SGMS2: variants seen among roughly 807,000 people sequenced by gnomAD.
The protein encoded by SGMS2 is sphingomyelin synthase 2, also known as phosphatidylcholine:ceramide cholinephosphotransferase 2.
A neutral mutation model predicts 43.8 loss-of-function variants in SGMS2; 21 were observed. The ratio of observed to expected loss-of-function variants is 0.48; its 90% CI spans 0.34 to 0.69. The LOEUF is 0.69. Among genes scored for constraint, SGMS2 ranks in the 30% least tolerant of loss-of-function variants. The pLI is 0.01. For synonymous variants in SGMS2, 167 were observed against 160.6 expected (o/e 1.04, Z -0.30); for missense variants, 384 against 443.2 (o/e 0.87, Z 1.20).
At chr4:107,851,685 C>G (rs1727155002) in intron 1 of SGMS2, among the ~76,000 whole-genome samples, 1 of 152,200 alleles carries the variant, frequency 6.6e-6, no homozygotes. Flanking sequence ...GGCAGCTTCT[C>G]TATAATAACC....
chr4:107,906,093 T>A (rs1262614742), intron 5 of SGMS2, among the ~76,000 whole-genome samples: 1 of 152,248 alleles, frequency 6.6e-6, no homozygotes, highest in African/African-American at 2.4e-5. Flanking sequence ...GGAAAAACAT[T>A]TATCTTCTAA....
At chr4:107,906,506 C>G (rs548283855) in intron 5 of SGMS2, among the ~76,000 whole-genome samples, 2 of 152,256 alleles carry the variant, frequency 1.3e-5, no homozygotes, top group South Asian at 4.1e-4. Flanking sequence ...TTAATGAGCC[C>G]TAGGGCTAGA....
At chr4:107,900,531 AAG>A (rs1731033817) in intron 4 of SGMS2, among the ~76,000 whole-genome samples, 1 of 152,316 alleles carries the variant, frequency 6.6e-6, no homozygotes, top group Admixed American at 6.5e-5. Context: ...AGCAGCTGGA[AAG>A]AGAGAGTGGC....
intron 1 of SGMS2, among the ~76,000 whole-genome samples, chr4:107,850,529 A>G (rs186266134): frequency 1.3e-5 from 2 of 152,306 alleles, no homozygotes; most frequent in East Asian, 3.9e-4. Context: ...GGTAAACCCC[A>G]TCCTTCTCTT....
chr4:107,902,706 A>G (rs1731227670), intron 4 of SGMS2, among the ~76,000 whole-genome samples: 1 of 152,108 alleles, frequency 6.6e-6, no homozygotes, highest in African/African-American at 2.4e-5. Flanking sequence ...TCATTTTCAA[A>G]CCTATTTAAA....
In SGMS2 at chr4:107,914,704, T is replaced by C. The variant is rs546996942; in HGVS notation, c.*4151T>C. The stretch of plus-strand genomic sequence containing the variant: ...ATATGTAAATTTCAGAAGCTCTTTT[T>C]TCCTACCCACCAGTACCTTAATCAT... On this transcript the variant is annotated 3_prime_UTR_variant, in exon 7 of 7. Transcript: ENST00000690982. 5 of 152,286 alleles carry C rather than the reference T, an allele frequency of 3.3e-5. No individual in the cohort carries two copies. Among genetic ancestry groups the C allele is most frequent in the African/African-American group, 9.6e-5 (4 of 41,588 alleles). 9.4% of individuals were successfully genotyped at this position (152,286 alleles called of 1,614,324 possible).
chr4:107,896,797 C>G (rs968977391), intron 3 of SGMS2, among the ~76,000 whole-genome samples: 6 of 152,172 alleles, frequency 3.9e-5, no homozygotes, highest in African/African-American at 1.4e-4. Flanking sequence ...TTCTGCTTCT[C>G]TATGTGAATT....
intron 2 of SGMS2, among the ~76,000 whole-genome samples, chr4:107,888,448 C>T (rs1729927894): frequency 6.6e-6 from 1 of 152,084 alleles, no homozygotes; most frequent in Admixed American, 6.6e-5. Context: ...TTACACAGAC[C>T]GTTCATGACA....
intron 1 of SGMS2, among the ~76,000 whole-genome samples, chr4:107,854,238 A>G (rs1248090439): frequency 6.6e-6 from 1 of 152,210 alleles, no homozygotes; most frequent in South Asian, 2.1e-4. Flanking sequence ...TCCATGTACA[A>G]TATGGGACTA....
intron 2 of SGMS2, among the ~76,000 whole-genome samples, chr4:107,871,953 C>G (rs1386850372): frequency 1.3e-5 from 2 of 151,992 alleles, no homozygotes; most frequent in Admixed American, 1.3e-4. Context: ...AAAAACAGCA[C>G]TGGGATGATC....
At chr4:107,859,923 T>G (rs1291500814) in intron 2 of SGMS2, among the ~76,000 whole-genome samples, 1 of 152,048 alleles carries the variant, frequency 6.6e-6, no homozygotes, top group Admixed American at 6.6e-5. Context: ...AGGTGCTAGG[T>G]TGATATAACT....
chr4:107,901,566 A>G (rs1731111184), intron 4 of SGMS2, among the ~76,000 whole-genome samples: 1 of 152,192 alleles, frequency 6.6e-6, no homozygotes, highest in Non-Finnish European at 1.5e-5. Context: ...TGCTTACAAG[A>G]GCCAACACAG....
chr4:107,866,185 A>G (rs1248475201), intron 2 of SGMS2, among the ~76,000 whole-genome samples: 1 of 152,154 alleles, frequency 6.6e-6, no homozygotes, highest in Non-Finnish European at 1.5e-5. Flanking sequence ...TATTGAATAA[A>G]CTTTTGTTAT....
intron 1 of SGMS2, among the ~76,000 whole-genome samples, chr4:107,856,676 AGGGGTAAACATGTACCAT>A (rs1359952961): frequency 6.6e-6 from 1 of 152,166 alleles, no homozygotes; most frequent in Non-Finnish European, 1.5e-5. Flanking sequence ...ATCTTTCCAG[AGGGGTAAACATGTACCAT>A]GGGGAGTGTA....
At chr4:107,897,325 T>C (rs1730753483) in intron 3 of SGMS2, among the ~76,000 whole-genome samples, 1 of 152,244 alleles carries the variant, frequency 6.6e-6, no homozygotes, top group Non-Finnish European at 1.5e-5. Context: ...TGTCTTTTAC[T>C]TAAAAAAGTA....
intron 1 of SGMS2, among the ~76,000 whole-genome samples, chr4:107,843,799 A>T (rs1044091094): frequency 1.3e-5 from 2 of 152,222 alleles, no homozygotes; most frequent in African/African-American, 4.8e-5. Flanking sequence ...GATGTAATTC[A>T]CAGAAAACAC....
intron 1 of SGMS2, among the ~76,000 whole-genome samples, chr4:107,826,068 G>C (rs551335424): frequency 6.2e-4 from 95 of 152,164 alleles, no homozygotes; most frequent in Middle Eastern, 3.4e-3. Flanking sequence ...TATTAACGGT[G>C]GGTGCTCAGG....
intron 2 of SGMS2, among the ~76,000 whole-genome samples, chr4:107,886,487 T>G (rs1202486018): frequency 1.3e-5 from 2 of 151,470 alleles, no homozygotes; most frequent in African/African-American, 4.9e-5. Flanking sequence ...GTACTGAAAT[T>G]ACAGGTATGA....
chr4:107,906,161 G>A (rs1731549706), intron 5 of SGMS2, among the ~76,000 whole-genome samples: 1 of 152,090 alleles, frequency 6.6e-6, no homozygotes, highest in South Asian at 2.1e-4. Flanking sequence ...TCTTTGAAAA[G>A]TCTGCTTCTA....
Sources: allele counts gnomAD v4.1 joint callset (sites outside exome capture counted in the v4.1 genomes callset), GRCh38; gene constraint gnomAD v4.1.1; transcripts MANE v1.5; gene names NCBI Gene and HGNC (gene_info 2026-07-23, HGNC 2026-07-21).